Variants in CD101 observed in about 807,000 individuals in gnomAD.
CD101 encodes CD101 molecule, also known as immunoglobulin superfamily member 2.
A neutral mutation model predicts 98.2 loss-of-function variants in CD101; 76 were observed. The ratio of observed to expected loss-of-function variants is 0.77; its 90% CI spans 0.64 to 0.94. CD101 has a LOEUF of 0.94. Ranked by LOEUF, CD101 falls within the 40% of genes least tolerant of loss-of-function variation. The pLI, the probability that CD101 is intolerant of heterozygous loss-of-function variation, is 0.00. For synonymous variants in CD101, 471 were observed against 472.7 expected (o/e 1.00, Z 0.05); for missense variants, 1,145 against 1,218.8 (o/e 0.94, Z 0.90).
rs777812973 is a variant in CD101 at position 117,025,834 on chromosome 1, A to G, written c.2754A>G (p.Gly918=). The change falls in exon 8 of 10, where the codon GGA becomes GGG. Residue 918 remains glycine (G), a synonymous_variant. Coordinates refer to ENST00000682167, the MANE Select transcript of CD101 (RefSeq NM_001256106.3). ...WCRVAEWQLH[G]HPSKWINQAS... ...GGGTGGCAGAGTGGCAGCTCCATGG[A>G]CACCCAAGCAAGTGGATTAATCAAG... 7 of 1,613,998 alleles carry G rather than the reference A, an allele frequency of 4.3e-6. No individual in the cohort carries two copies. The South Asian group carries it at 5.5e-5, about 13-fold the overall frequency.
chr1:117,002,496 G>C (rs1015864415), intron 1 of CD101, among the ~76,000 whole-genome samples: 1 of 152,128 alleles, frequency 6.6e-6, no homozygotes, highest in Non-Finnish European at 1.5e-5. Flanking sequence ...GGAGGTAGAA[G>C]GGAGAGTCAG....
chr1:117,016,188 A>T (rs895123753), intron 4 of CD101, among the ~76,000 whole-genome samples: 3 of 143,492 alleles, frequency 2.1e-5, no homozygotes, highest in Non-Finnish European at 4.5e-5. Context: ...ACACACATTT[A>T]TATATATATA....
Position 117,018,384 on chromosome 1 carries a change from C to A in CD101, c.1841C>A (p.Thr614Lys). 6.2e-7 allele frequency: 1 copy of A among 1,614,144 alleles called. No individual in the cohort carries two copies. Among genetic ancestry groups the A allele is most frequent in the African/African-American group, 1.3e-5 (1 of 75,044 alleles). The change falls in exon 6 of 10, where the codon ACG (threonine) becomes AAG (lysine). Residue 614 changes from threonine to lysine, a missense_variant. Transcript: ENST00000682167. The surrounding 1 kb of genome is among the most constrained non-coding windows in gnomAD (Gnocchi z 4.3). Reference sequence around the variant, plus strand: ...TTCCTATCCCGGTTCCAAAAGAAGACGAAAGTGTCGCAGTCTTTATTTCGT... The same window carrying A: ...TTCCTATCCCGGTTCCAAAAGAAGAAGAAAGTGTCGCAGTCTTTATTTCGT... ...GNFLSRFQKK[T>K]KVSQSLFRSQ...
Position 117,018,099 on chromosome 1 carries a change from G to T in CD101, c.1613-57G>T. On this transcript the variant is annotated intron_variant, in intron 5 of 9. Coordinates refer to ENST00000682167, the MANE Select transcript of CD101 (RefSeq NM_001256106.3). This position sits in a 1 kb window ranked among gnomAD's most constrained non-coding sequence, Gnocchi z 4.3. ...AGGTGGCAACTAGAAAAACTTGAAAGTGCTATATTTTAATCTGGTAAATAT... is the reference window on the plus strand; with the variant it reads ...AGGTGGCAACTAGAAAAACTTGAAATTGCTATATTTTAATCTGGTAAATAT... The T allele has an allele frequency of 6.9e-7, 1 of 1,447,330 alleles. No homozygotes were observed. The highest frequency in any genetic ancestry group is 1.4e-5 in the South Asian group (1 of 70,708). The allele number at this position is 1,447,330 out of a possible 1,614,324, so 89.7% of individuals were successfully genotyped here.
rs775933904 is a variant in CD101 at position 117,013,690 on chromosome 1, A to G, written c.1126A>G (p.Arg376Gly). 3.1e-6 allele frequency: 5 copies of G among 1,614,136 alleles called. 1 individual carries two copies. The South Asian group carries it at 4.4e-5, about 14-fold the overall frequency. Residue 376 changes from arginine (R) to glycine (G), a missense_variant, in exon 4 of 10, where the codon AGA becomes GGA. By Grantham distance (125) the Arg-to-Gly change is moderately radical (BLOSUM62 -2). Coordinates refer to ENST00000682167, the MANE Select transcript of CD101 (RefSeq NM_001256106.3). ...GGGCCCAGAGGATGAAGGCGCCTAC[A>G]GATGTGTGGTAGCAGAGGTCATGAA... is the stretch of plus-strand genomic sequence containing the variant. ...SLGPEDEGAY[R>G]CVVAEVMKTR... is the part of the protein sequence containing the mutation.
Position 117,009,860 on chromosome 1 carries a change from C to G in CD101, c.54C>G (p.Ser18Arg). Residue 18 changes from serine to arginine, a missense_variant, in exon 2 of 10, where the codon AGC becomes AGG. Ser to Arg is a moderately radical substitution (Grantham distance 110). Transcript: ENST00000682167. ...ASFFLLLTKL[S>R]IGQREVTVQK... ...TCTCCTACTTACAAGCTAAGCTCAGCATTGGCCAGAGAGAAGTAACAGTTC... is the reference window on the plus strand; with the variant it reads ...TCTCCTACTTACAAGCTAAGCTCAGGATTGGCCAGAGAGAAGTAACAGTTC... The G allele has an allele frequency of 6.9e-6, 11 of 1,599,918 alleles. No individual in the cohort carries two copies. Among genetic ancestry groups the G allele is most frequent in the Non-Finnish European group, 8.6e-6 (10 of 1,169,190 alleles).
intron 8 of CD101, among the ~76,000 whole-genome samples, chr1:117,028,658 A>G (rs918349675): frequency 6.6e-5 from 10 of 152,184 alleles, no homozygotes; most frequent in African/African-American, 2.4e-4. Flanking sequence ...AGAGCTGGGA[A>G]GGGAATCAGG....
intron 7 of CD101, 37 bp from the exon 8 acceptor site, chr1:117,025,472 T>A: frequency 6.7e-7 from 1 of 1,497,156 alleles, no homozygotes; most frequent in Non-Finnish European, 8.9e-7. Context: ...AATCTGAAAG[T>A]CTGCATTCTC....
chr1:117,028,807 A>G (rs1654128050), intron 8 of CD101, among the ~76,000 whole-genome samples: 1 of 152,314 alleles, frequency 6.6e-6, no homozygotes, highest in Admixed American at 6.5e-5. Flanking sequence ...TGGGACAATT[A>G]CAGAAAAGTT....
rs1653572639 is a variant in CD101, at chr1:117,021,410, T to A, written c.2018-163T>A. Among the ~76,000 whole-genome samples, 2 of 152,192 alleles carry A rather than the reference T, an allele frequency of 1.3e-5. No homozygotes were observed. The highest frequency in any genetic ancestry group is 2.9e-5 in the Non-Finnish European group (2 of 68,030). On this transcript the variant is annotated intron_variant, in intron 6 of 9. Coordinates refer to ENST00000682167, the MANE Select transcript of CD101 (RefSeq NM_001256106.3). This position sits in a 1 kb window ranked among gnomAD's most constrained non-coding sequence, Gnocchi z 4.7. ...TGAAATGGGCTGCCTTGTCAGCTAG[T>A]GATGCTGTTCAAAAGCTGTATGAGC...
At chr1:117,015,206 G>A (rs879502783) in intron 4 of CD101, among the ~76,000 whole-genome samples, 10 of 152,106 alleles carry the variant, frequency 6.6e-5, no homozygotes, top group Non-Finnish European at 1.0e-4. Context: ...AAAGTCAAAC[G>A]TTACTTGAAG....
chr1:117,029,489 T>C (rs1654306032), intron 8 of CD101, among the ~76,000 whole-genome samples: 1 of 152,236 alleles, frequency 6.6e-6, no homozygotes, highest in South Asian at 2.1e-4. Flanking sequence ...TAACTGCCAC[T>C]GCCTCAGAGA....
intron 7 of CD101, among the ~76,000 whole-genome samples, chr1:117,024,140 G>T (rs759248616): frequency 6.6e-6 from 1 of 152,196 alleles, no homozygotes; most frequent in Non-Finnish European, 1.5e-5. Context: ...AACTAAGAAA[G>T]AGTCCAAGAT....
intron 8 of CD101, among the ~76,000 whole-genome samples, chr1:117,031,054 C>G (rs532448402): frequency 1.2e-4 from 18 of 152,344 alleles, no homozygotes; most frequent in African/African-American, 4.3e-4. Flanking sequence ...TTGAATGTCA[C>G]TAATTCTAAT....
intron 8 of CD101, among the ~76,000 whole-genome samples, chr1:117,027,238 C>T (rs1008276689): frequency 6.6e-6 from 1 of 152,160 alleles, no homozygotes; most frequent in Non-Finnish European, 1.5e-5. Context: ...TACATGTGTA[C>T]ATCTATGTGA....
chr1:117,034,840 G>C (rs1413498074), intron 9 of CD101, among the ~76,000 whole-genome samples: 1 of 152,112 alleles, frequency 6.6e-6, no homozygotes, highest in Admixed American at 6.6e-5. Flanking sequence ...AGCCCCCCAA[G>C]GCCTCGTACC....
intron 4 of CD101, among the ~76,000 whole-genome samples, chr1:117,015,564 C>G (rs1255713751): frequency 6.6e-6 from 1 of 152,190 alleles, no homozygotes; most frequent in African/African-American, 2.4e-5. Context: ...ATAAAACAGT[C>G]AAAGATTGAA....
intron 8 of CD101, chr1:117,026,669 T>A (rs149382834): frequency 6.6e-6 from 1 of 152,218 alleles, no homozygotes; most frequent in African/African-American, 2.4e-5. Context: ...GTAAAAAGTA[T>A]ACAGTCTGTG....
rs1652741766 is a variant in CD101 at position 117,009,414 on chromosome 1, A to C, written c.44-436A>C. On this transcript the variant is annotated intron_variant, in intron 1 of 9. Transcript: ENST00000682167. ...ATCATGGCACCAAGGGCAGAGCCCTAGACTTTGCGTCTCCAGCAACTACTT... is the reference window on the plus strand; with the variant it reads ...ATCATGGCACCAAGGGCAGAGCCCTCGACTTTGCGTCTCCAGCAACTACTT... Among the ~76,000 whole-genome samples, 3 of 152,272 alleles carry C rather than the reference A, an allele frequency of 2.0e-5. No individual in the cohort carries two copies. The South Asian group carries it at 6.2e-4, about 31-fold the overall frequency.
Sources: allele counts gnomAD v4.1 joint callset (sites outside exome capture counted in the v4.1 genomes callset), GRCh38; gene constraint gnomAD v4.1.1; non-coding constraint Gnocchi (gnomAD v3.1); transcripts MANE v1.5; gene names NCBI Gene and HGNC (gene_info 2026-07-23, HGNC 2026-07-21).